SNX9: variants seen among roughly 807,000 people sequenced by gnomAD.
The protein encoded by SNX9 is sorting nexin-9.
In SNX9, 44 loss-of-function variants were observed where a neutral mutation model predicts 89.4. That is an observed-to-expected ratio of 0.49 (90% CI 0.39 to 0.63). SNX9 has a LOEUF of 0.63. SNX9 is among the 30% of genes least tolerant of loss of function. The pLI is 0.00. For missense variants in SNX9, 578 were observed against 736.1 expected (o/e 0.79, Z 2.49); for synonymous variants, 236 against 247.8 (o/e 0.95, Z 0.45).
chr6:157,869,475 C>T (rs746925223), intron 2 of SNX9, among the ~76,000 whole-genome samples: 12 of 152,268 alleles, frequency 7.9e-5, no homozygotes, highest in Non-Finnish European at 1.6e-4. Context: ...TGTTGTGGCG[C>T]CTTTCCATTC....
intron 1 of SNX9, among the ~76,000 whole-genome samples, chr6:157,853,719 A>G (rs1781955259): frequency 6.6e-6 from 1 of 151,984 alleles, no homozygotes; most frequent in Admixed American, 6.6e-5. Flanking sequence ...TAGTTCCAGA[A>G]CCTTTGGTGG....
At chr6:157,832,776 C>T (rs918026016) in intron 1 of SNX9, among the ~76,000 whole-genome samples, 1 of 152,152 alleles carries the variant, frequency 6.6e-6, no homozygotes, top group Non-Finnish European at 1.5e-5. Flanking sequence ...TCAATTACCC[C>T]CACCAGGTGC....
intron 9 of SNX9, among the ~76,000 whole-genome samples, chr6:157,915,562 G>C (rs1783442913): frequency 6.8e-6 from 1 of 147,696 alleles, no homozygotes; most frequent in African/African-American, 2.5e-5. Flanking sequence ...AAGGTGGGTG[G>C]ATCACCTGAG....
Position 157,823,407 on chromosome 6 carries a change from C to T in SNX9, c.-28C>T, listed in dbSNP as rs1456017045. The stretch of plus-strand genomic sequence containing the variant: ...ATCCGCGGCGCGGGAGACGAGCCGG[C>T]CGTCCCGGGCCGGGGGACCCGCCCG... On this transcript the variant is annotated 5_prime_UTR_variant, in exon 1 of 18. Coordinates refer to ENST00000392185, the MANE Select transcript of SNX9 (RefSeq NM_016224.5). The surrounding 1 kb of genome is among the most constrained non-coding windows in gnomAD (Gnocchi z 4.6). 7.9e-7 allele frequency: 1 copy of T among 1,258,746 alleles called. No homozygotes were observed. The highest frequency in any genetic ancestry group is 2.2e-5 in the South Asian group (1 of 45,732). The allele number at this position is 1,258,746 out of a possible 1,614,324, so 78.0% of individuals were successfully genotyped here.
intron 1 of SNX9, among the ~76,000 whole-genome samples, chr6:157,857,052 G>C (rs994111844): frequency 2.6e-5 from 4 of 151,768 alleles, no homozygotes; most frequent in African/African-American, 9.7e-5. Context: ...TGATTTTTTT[G>C]CCTTTATTTA....
chr6:157,912,356 G>T (rs926540361), intron 9 of SNX9, among the ~76,000 whole-genome samples: 2 of 152,146 alleles, frequency 1.3e-5, no homozygotes, highest in African/African-American at 4.8e-5. Context: ...TTCTGAATCA[G>T]ATAATTCAGT....
At chr6:157,863,890 A>G (rs1782197906) in intron 1 of SNX9, among the ~76,000 whole-genome samples, 1 of 152,178 alleles carries the variant, frequency 6.6e-6, no homozygotes, top group African/African-American at 2.4e-5. Context: ...ACTTATTTGG[A>G]GATATGGTTA....
At chr6:157,873,876 C>T (rs902372646) in intron 3 of SNX9, among the ~76,000 whole-genome samples, 1 of 152,068 alleles carries the variant, frequency 6.6e-6, no homozygotes, top group African/African-American at 2.4e-5. Context: ...GCAGCCTGGG[C>T]TGGTCCTGCC....
At chr6:157,915,822 CAA>C (rs570701086) in intron 9 of SNX9, among the ~76,000 whole-genome samples, 12 of 89,338 alleles carry the variant, frequency 1.3e-4, no homozygotes, top group Admixed American at 3.7e-4. Context: ...TAGACTCTGT[CAA>C]AAAAAAAAAA....
chr6:157,921,452 A>G (rs1263942048), intron 9 of SNX9, 79 bp from the exon 10 acceptor site: 3 of 1,462,074 alleles, frequency 2.1e-6, no homozygotes, highest in Non-Finnish European at 2.8e-6. Flanking sequence ...AGACATAGAA[A>G]TGGTTTTTCA....
At chr6:157,933,049 A>AT (rs1288634212) in intron 13 of SNX9, among the ~76,000 whole-genome samples, 1 of 152,056 alleles carries the variant, frequency 6.6e-6, no homozygotes, top group Non-Finnish European at 1.5e-5. Flanking sequence ...GGCAGCACTT[A>AT]TGAGAGCAAG....
intron 2 of SNX9, among the ~76,000 whole-genome samples, chr6:157,870,696 A>G (rs534546188): frequency 6.7e-6 from 1 of 149,324 alleles, no homozygotes; most frequent in South Asian, 2.1e-4. Context: ...CCCTGCAGAT[A>G]GTCTCACCTG....
chr6:157,880,687 A>T (rs976894466), intron 4 of SNX9, among the ~76,000 whole-genome samples: 3 of 152,166 alleles, frequency 2.0e-5, no homozygotes, highest in Admixed American at 2.0e-4. Flanking sequence ...CATCCTTGAG[A>T]TGTGGAAAGA....
At chr6:157,918,098 G>A (rs1783511132) in intron 9 of SNX9, among the ~76,000 whole-genome samples, 1 of 152,078 alleles carries the variant, frequency 6.6e-6, no homozygotes, top group African/African-American at 2.4e-5. Flanking sequence ...GTAGCAGCTG[G>A]GTGGAGTGTT....
At chr6:157,904,307 G>A (rs996003975) in intron 6 of SNX9, among the ~76,000 whole-genome samples, 5 of 152,060 alleles carry the variant, frequency 3.3e-5, no homozygotes, top group Non-Finnish European at 5.9e-5. Context: ...GTGGTGGCAC[G>A]CCTGTAATCC....
At chr6:157,859,810 T>C (rs1055700839) in intron 1 of SNX9, among the ~76,000 whole-genome samples, 1 of 152,246 alleles carries the variant, frequency 6.6e-6, no homozygotes, top group African/African-American at 2.4e-5. Flanking sequence ...CCAGAAACTC[T>C]TTATGTATCA....
intron 4 of SNX9, among the ~76,000 whole-genome samples, chr6:157,886,998 C>T (rs897192273): frequency 2.0e-5 from 3 of 152,016 alleles, no homozygotes; most frequent in Admixed American, 1.3e-4. Context: ...AGTACTGTAT[C>T]AGCTTAATCT....
intron 1 of SNX9, among the ~76,000 whole-genome samples, chr6:157,840,767 TTG>T (rs1459830303): frequency 2.0e-4 from 31 of 152,246 alleles, no homozygotes; most frequent in African/African-American, 6.3e-4. Flanking sequence ...AGAAAAAACT[TTG>T]TAAAGAAATT....
At chr6:157,901,697 A>AC (rs1783100449) in intron 5 of SNX9, among the ~76,000 whole-genome samples, 1 of 152,086 alleles carries the variant, frequency 6.6e-6, no homozygotes, top group Non-Finnish European at 1.5e-5. Context: ...GCACTAAAAG[A>AC]ATCTGTAATT....
Sources: gnomAD v4.1 joint callset for allele counts (sites outside exome capture counted in the v4.1 genomes callset) on GRCh38, gnomAD v4.1.1 for gene constraint, Gnocchi (gnomAD v3.1) non-coding constraint, MANE v1.5 for transcripts, NCBI Gene and HGNC (gene_info 2026-07-23, HGNC 2026-07-21) for gene names.